SESN1: variants seen among roughly 807,000 people sequenced by gnomAD.
The protein encoded by SESN1 is sestrin 1, also known as sestrin-1.
SESN1 carries 30 observed loss-of-function variants against 59.3 expected under a neutral mutation model. The observed-to-expected ratio is 0.51, with a 90% CI of 0.38 to 0.69. The LOEUF (loss-of-function observed/expected upper bound fraction) is 0.69, where lower values mean the gene tolerates loss of function less well. SESN1 is among the 30% of genes least tolerant of loss of function. The probability of loss-of-function intolerance (pLI) is 0.00; values close to 1 mark genes in which losing one functional copy is unlikely to be tolerated. For missense variants in SESN1, 566 were observed against 673.0 expected, an observed-to-expected ratio of 0.84 and a Z score of 1.76; for synonymous variants, 197 against 219.9, an observed-to-expected ratio of 0.90 and a Z score of 0.92.
chr6:109,061,693 C>T (rs1218199173), intron 1 of SESN1, among the ~76,000 whole-genome samples: 2 of 151,950 alleles, frequency 1.3e-5, no homozygotes, highest in African/African-American at 2.4e-5. Flanking sequence ...AGTCTTAGCT[C>T]CTCAGGAGGC....
At chr6:109,014,139 A>G (rs1432424094) in intron 1 of SESN1, among the ~76,000 whole-genome samples, 4 of 152,066 alleles carry the variant, frequency 2.6e-5, no homozygotes, top group Non-Finnish European at 4.4e-5. Flanking sequence ...AACTTTCTAC[A>G]TAGCTGTTTA....
At chr6:109,016,399 T>C (rs1779927691) in intron 1 of SESN1, among the ~76,000 whole-genome samples, 2 of 152,178 alleles carry the variant, frequency 1.3e-5, no homozygotes, top group Non-Finnish European at 2.9e-5. Flanking sequence ...TCCTTTTTGA[T>C]AATCTTTAGT....
intron 1 of SESN1, among the ~76,000 whole-genome samples, chr6:109,031,090 T>G (rs1334261150): frequency 1.3e-5 from 2 of 151,690 alleles, no homozygotes; most frequent in East Asian, 1.9e-4. Context: ...AAGTAGGGAG[T>G]GAGTAAAGGC....
At chr6:109,044,311 C>CAAAAAAAAAAAAAAAAAAAA (rs71015570) in intron 1 of SESN1, among the ~76,000 whole-genome samples, 2 of 28,458 alleles carry the variant, frequency 7.0e-5, no homozygotes, top group Admixed American at 6.6e-4. Context: ...GAACTTGCCT[C>CAAAAAAAAAAAAAAAAAAAA]AAAAAAAAAA....
chr6:109,000,320 G>A, intron 4 of SESN1, 171 bp downstream of exon 4: 1 of 471,134 alleles, frequency 2.1e-6, no homozygotes, highest in Non-Finnish European at 3.7e-6. Context: ...ATCAATTACA[G>A]CAAATGTACC....
chr6:109,058,757 C>G (rs1274340630), intron 1 of SESN1, among the ~76,000 whole-genome samples: 2 of 151,624 alleles, frequency 1.3e-5, no homozygotes, highest in African/African-American at 2.4e-5. Context: ...ACAGGAAATC[C>G]CGATCCACAC....
intron 1 of SESN1, among the ~76,000 whole-genome samples, chr6:109,065,975 T>C (rs1562472629): frequency 6.6e-6 from 1 of 152,072 alleles, no homozygotes; most frequent in East Asian, 1.9e-4. Flanking sequence ...AGATCATCCC[T>C]TAAATCTTAA....
Position 109,001,403 on chromosome 6 carries a change from G to A in SESN1, c.431C>T (p.Thr144Met), listed in dbSNP as rs762972224. ...FAALGRLDNI[T>M]LVMVFHPQYL... Reference sequence around the variant, plus strand: ...TTGTGGGTGGAAAACCATCACTAACGTAATGTTATCCAAACGGCCCAAAGC... The same window carrying A: ...TTGTGGGTGGAAAACCATCACTAACATAATGTTATCCAAACGGCCCAAAGC... Residue 144 changes from threonine to methionine, a missense_variant, in exon 3 of 10, where the codon ACG becomes ATG. Coordinates refer to ENST00000436639, the MANE Select transcript of SESN1 (RefSeq NM_014454.3). 5 of 1,613,686 alleles carry A rather than the reference G, an allele frequency of 3.1e-6. No individual in the cohort carries two copies. The South Asian group carries it at 3.3e-5, about 11-fold the overall frequency.
intron 1 of SESN1, among the ~76,000 whole-genome samples, chr6:109,089,118 C>T (rs1437661029): frequency 1.3e-5 from 2 of 151,616 alleles, no homozygotes; most frequent in Non-Finnish European, 2.9e-5. Context: ...ACCACCTTGT[C>T]ATCGTTTCTC....
intron 1 of SESN1, among the ~76,000 whole-genome samples, chr6:109,031,957 A>C (rs1003642946): frequency 4.6e-5 from 7 of 152,198 alleles, no homozygotes; most frequent in Non-Finnish European, 8.8e-5. Flanking sequence ...TACACCTTAT[A>C]CACATATCTT....
chr6:109,020,306 T>C (rs1779990703), intron 1 of SESN1, among the ~76,000 whole-genome samples: 1 of 152,216 alleles, frequency 6.6e-6, no homozygotes, highest in African/African-American at 2.4e-5. Context: ...ATAGATTAGA[T>C]TTTAGTATTG....
intron 1 of SESN1, among the ~76,000 whole-genome samples, chr6:109,034,015 T>C (rs973150062): frequency 3.3e-5 from 5 of 152,188 alleles, no homozygotes; most frequent in African/African-American, 1.2e-4. Flanking sequence ...ACAATGGACA[T>C]GATAACATAG....
intron 1 of SESN1, among the ~76,000 whole-genome samples, chr6:109,055,140 A>C (rs1360730481): frequency 6.6e-6 from 1 of 152,150 alleles, no homozygotes; most frequent in Non-Finnish European, 1.5e-5. Context: ...CTCCTTCCTG[A>C]AGACAGAATC....
At chr6:109,044,038 G>A (rs773949291) in intron 1 of SESN1, among the ~76,000 whole-genome samples, 8 of 152,142 alleles carry the variant, frequency 5.3e-5, no homozygotes, top group Middle Eastern at 6.8e-3. Context: ...GAAGTGGCCA[G>A]GTATGGTGGC....
At chr6:108,989,516 T>TAG (rs943645507) in intron 8 of SESN1, among the ~76,000 whole-genome samples, 6 of 148,444 alleles carry the variant, frequency 4.0e-5, no homozygotes, top group Admixed American at 2.0e-4. Context: ...TATATATATA[T>TAG]AGAGAGATAT....
Position 108,985,145 on chromosome 6 carries a change from TCA to T in SESN1, c.*2397_*2398del, listed in dbSNP as rs200124236. On this transcript the variant is annotated 3_prime_UTR_variant, in exon 10 of 10. Coordinates refer to ENST00000436639, the MANE Select transcript of SESN1 (RefSeq NM_014454.3). ...CATATATGAATATGCTAATAAAATT[TCA>T]GAGTATATTGATAAAAAGTGCTTAT... Among the ~76,000 whole-genome samples the T allele has an allele frequency of 0.011, 1,615 of 152,292 alleles. 33 individuals are homozygous for T. The highest frequency in any genetic ancestry group is 0.037 in the African/African-American group (1,539 of 41,558).
intron 1 of SESN1, among the ~76,000 whole-genome samples, chr6:109,048,785 T>C (rs1780493793): frequency 6.6e-6 from 1 of 152,218 alleles, no homozygotes; most frequent in African/African-American, 2.4e-5. Flanking sequence ...CCCCTGATTC[T>C]AAATTCCAGG....
chr6:109,070,729 T>C (rs1220595083), intron 1 of SESN1, among the ~76,000 whole-genome samples: 3 of 152,262 alleles, frequency 2.0e-5, no homozygotes, highest in African/African-American at 4.8e-5. Flanking sequence ...TCTCTATTAC[T>C]GTTAAGATAA....
intron 1 of SESN1, among the ~76,000 whole-genome samples, chr6:109,079,923 A>T (rs753050644): frequency 6.6e-6 from 1 of 152,222 alleles, no homozygotes; most frequent in Non-Finnish European, 1.5e-5. Context: ...TATACAACCT[A>T]GGCTTGATTT....
Sources: allele counts gnomAD v4.1 joint callset (sites outside exome capture counted in the v4.1 genomes callset), GRCh38; gene constraint gnomAD v4.1.1; transcripts MANE v1.5; gene names NCBI Gene and HGNC (gene_info 2026-07-23, HGNC 2026-07-21).